Variants in ZNF175 observed in about 807,000 individuals in gnomAD.
ZNF175 encodes zinc finger protein 175, also known as zinc finger protein OTK18.
In ZNF175, 8 loss-of-function variants were observed where a neutral mutation model predicts 14.0. The ratio of observed to expected loss-of-function variants is 0.57; its 90% CI spans 0.34 to 1.03. The LOEUF (loss-of-function observed/expected upper bound fraction) is 1.03, where lower values mean the gene tolerates loss of function less well. Ranked by LOEUF, ZNF175 falls within the 50% of genes least tolerant of loss-of-function variation. The probability of loss-of-function intolerance (pLI) is 0.03; values close to 1 mark genes in which losing one functional copy is unlikely to be tolerated. For synonymous variants in ZNF175, 255 were observed against 296.8 expected (o/e 0.86, Z 1.45); for missense variants, 764 against 849.5 (o/e 0.90, Z 1.25).
At chr19:51,582,361 G>A (rs984582835) in intron 4 of ZNF175, among the ~76,000 whole-genome samples, 1 of 152,124 alleles carries the variant, frequency 6.6e-6, no homozygotes, top group Non-Finnish European at 1.5e-5. Context: ...GCAGTGGCAC[G>A]ATCTTGGCTT....
chr19:51,575,762 TGTTA>T (rs1009699220), intron 2 of ZNF175, among the ~76,000 whole-genome samples: 3 of 152,196 alleles, frequency 2.0e-5, no homozygotes, highest in African/African-American at 7.2e-5. Context: ...CCTCTTGGAT[TGTTA>T]ATTAACACGT....
chr19:51,585,257 C>T (rs1430429247), intron 4 of ZNF175, among the ~76,000 whole-genome samples: 1 of 152,140 alleles, frequency 6.6e-6, no homozygotes, highest in African/African-American at 2.4e-5. Context: ...GTATGAGGTA[C>T]TTTAAGTAGT....
intron 1 of ZNF175, among the ~76,000 whole-genome samples, chr19:51,572,247 G>A (rs1014112959): frequency 2.0e-5 from 3 of 152,200 alleles, no homozygotes; most frequent in African/African-American, 7.2e-5. Flanking sequence ...CAGTGACTGG[G>A]AGGCATTTTG....
In ZNF175 at chr19:51,590,491, G is replaced by A. The variant is rs35088603; in HGVS notation, c.*2024G>A. 0.073 allele frequency: 11,166 copies of A among 152,282 alleles called. 540 individuals are homozygous for A. Among genetic ancestry groups the A allele is most frequent in the Middle Eastern group, 0.17 (49 of 296 alleles). 9.4% of individuals were successfully genotyped at this position (152,282 alleles called of 1,614,324 possible). A position where few individuals can be genotyped will look rare whatever the true frequency, so the allele number is the denominator to read the frequency against. ...TCAGCTGGAAGTCTTTTCCAGAAGG[G>A]TGTTAGAGATGGGCACCCATGGCTT... On this transcript the variant is annotated 3_prime_UTR_variant, in exon 5 of 5. Transcript: ENST00000262259.
In ZNF175 at chr19:51,591,206, C is replaced by T. The variant is rs7255120; in HGVS notation, c.*2739C>T. On this transcript the variant is annotated 3_prime_UTR_variant, in exon 5 of 5. Transcript: ENST00000262259. ...ACAACTTAGTTTCCTCCCTACCTCG[C>T]AACCCCCTCTGTCTAGAGTGCTCAC... The T allele has an allele frequency of 0.34, 51,597 of 152,208 alleles. 10,079 individuals are homozygous for T. The highest frequency in any genetic ancestry group is 0.73 in the East Asian group (3,771 of 5,132). The allele number at this position is 152,208 out of a possible 1,614,324, so 9.4% of individuals were successfully genotyped here.
rs1481496950 is a variant in ZNF175 at position 51,591,487 on chromosome 19, CTCA to C, written c.*3025_*3027del. On this transcript the variant is annotated 3_prime_UTR_variant, in exon 5 of 5. Coordinates refer to ENST00000262259, the MANE Select transcript of ZNF175 (RefSeq NM_007147.4). ...GATGAATAAATGTTAGTCCAATGGC[CTCA>C]TCATGAGATGAGAGGTCAAGAGTTT... 6.6e-6 allele frequency: 1 copy of C among 152,192 alleles called. No homozygotes were observed. The highest frequency in any genetic ancestry group is 1.5e-5 in the Non-Finnish European group (1 of 68,048). The allele number at this position is 152,192 out of a possible 1,614,324, so 9.4% of individuals were successfully genotyped here.
chr19:51,586,573 T>A, intron 4 of ZNF175, 54 bp from the exon 5 acceptor site: 1 of 1,516,156 alleles, frequency 6.6e-7, no homozygotes, highest in Non-Finnish European at 8.8e-7. Flanking sequence ...CTTCATGCAG[T>A]TTCTCCTCTT....
chr19:51,592,358 G>A lies in ZNF175; in HGVS notation c.*3891G>A. 2 of 368,972 alleles carry A rather than the reference G, an allele frequency of 5.4e-6. No homozygotes were observed. The highest frequency in any genetic ancestry group is 5.0e-5 in the East Asian group (1 of 19,946). The allele number at this position is 368,972 out of a possible 1,614,324, so 22.9% of individuals were successfully genotyped here. A position where few individuals can be genotyped will look rare whatever the true frequency, so the allele number is the denominator to read the frequency against. On this transcript the variant is annotated 3_prime_UTR_variant, in exon 5 of 5. Coordinates refer to ENST00000262259, the MANE Select transcript of ZNF175 (RefSeq NM_007147.4). ...GGAATAATAATAGATCTCGCCTTGTGGCTCCTTTGCAGATTACATGCGTTA... is the reference window on the plus strand; with the variant it reads ...GGAATAATAATAGATCTCGCCTTGTAGCTCCTTTGCAGATTACATGCGTTA...
At chr19:51,580,815 T>A (rs1981971703) in intron 2 of ZNF175, among the ~76,000 whole-genome samples, 1 of 152,188 alleles carries the variant, frequency 6.6e-6, no homozygotes, top group Non-Finnish European at 1.5e-5. Context: ...GGAAAATGAT[T>A]TCCTTCACAC....
At chr19:51,578,868 A>T (rs1236307734) in intron 2 of ZNF175, among the ~76,000 whole-genome samples, 2 of 151,946 alleles carry the variant, frequency 1.3e-5, no homozygotes, top group Non-Finnish European at 2.9e-5. Context: ...TGTAATCCCA[A>T]AACTTTGGGA....
At chr19:51,572,071 G>A (rs1046990652) in intron 1 of ZNF175, among the ~76,000 whole-genome samples, 4 of 152,226 alleles carry the variant, frequency 2.6e-5, no homozygotes, top group Non-Finnish European at 5.9e-5. Flanking sequence ...GTAAGGATCA[G>A]TAATTGACAG....
chr19:51,583,915 G>C (rs540972246), intron 4 of ZNF175, among the ~76,000 whole-genome samples: 1 of 152,106 alleles, frequency 6.6e-6, no homozygotes, highest in African/African-American at 2.4e-5. Context: ...TCAATGTTTA[G>C]CATGAGGAAA....
intron 2 of ZNF175, among the ~76,000 whole-genome samples, chr19:51,574,968 T>C (rs1033029501): frequency 9.2e-5 from 14 of 152,302 alleles, no homozygotes; most frequent in African/African-American, 3.4e-4. Flanking sequence ...ATGCACATTA[T>C]CTTCTCTTTG....
Position 51,589,608 on chromosome 19 carries a change from T to A in ZNF175, c.*1141T>A. 1 of 701,798 alleles carries A rather than the reference T, an allele frequency of 1.4e-6. No homozygotes were observed. The highest frequency in any genetic ancestry group is 2.6e-6 in the Non-Finnish European group (1 of 384,698). The allele number at this position is 701,798 out of a possible 1,614,324, so 43.5% of individuals were successfully genotyped here. On this transcript the variant is annotated 3_prime_UTR_variant, in exon 5 of 5. Coordinates refer to ENST00000262259, the MANE Select transcript of ZNF175 (RefSeq NM_007147.4). ...CATCTATAGTGAGCCTCTCCATAAT[T>A]AGTGCCAACCATTAGTCTCGTTCAT... is the stretch of plus-strand genomic sequence containing the variant.
At chr19:51,576,214 G>T (rs1251774729) in intron 2 of ZNF175, among the ~76,000 whole-genome samples, 3 of 149,214 alleles carry the variant, frequency 2.0e-5, no homozygotes, top group African/African-American at 7.4e-5. Flanking sequence ...GCAATGGCGC[G>T]ATCTTGGCTC....
Position 51,589,707 on chromosome 19 carries a change from G to C in ZNF175, c.*1240G>C. 1.6e-6 allele frequency: 1 copy of C among 640,570 alleles called. No individual in the cohort carries two copies. The highest frequency in any genetic ancestry group is 1.8e-5 in the South Asian group (1 of 55,878). 39.7% of individuals were successfully genotyped at this position (640,570 alleles called of 1,614,324 possible). A position where few individuals can be genotyped will look rare whatever the true frequency, so the allele number is the denominator to read the frequency against. ...CTCCCAACTGTTTTTTTAAAATAAAGTTTTATTGGAACACAGCCATGTTCA... is the reference window on the plus strand; with the variant it reads ...CTCCCAACTGTTTTTTTAAAATAAACTTTTATTGGAACACAGCCATGTTCA... On this transcript the variant is annotated 3_prime_UTR_variant, in exon 5 of 5. Transcript: ENST00000262259.
At chr19:51,577,091 A>G (rs1551160) in intron 2 of ZNF175, among the ~76,000 whole-genome samples, 88,762 of 151,562 alleles carry the variant, frequency 0.59, 26,409 homozygotes, top group East Asian at 0.84. Context: ...ATATATGAGC[A>G]TGACATGAAA....
intron 2 of ZNF175, among the ~76,000 whole-genome samples, chr19:51,574,437 G>A (rs945009646): frequency 4.6e-5 from 7 of 152,186 alleles, no homozygotes; most frequent in Admixed American, 2.6e-4. Flanking sequence ...CACTTTGGGA[G>A]GCCGAGGCGG....
chr19:51,588,874 AAC>A lies in ZNF175; in HGVS notation c.*411_*412del, dbSNP rs1982264664. 1 of 402,558 alleles carries A rather than the reference AAC, an allele frequency of 2.5e-6. No individual in the cohort carries two copies. Among genetic ancestry groups the A allele is most frequent in the Non-Finnish European group, 4.4e-6 (1 of 228,800 alleles). The allele number at this position is 402,558 out of a possible 1,614,324, so 24.9% of individuals were successfully genotyped here. On this transcript the variant is annotated 3_prime_UTR_variant, in exon 5 of 5. Coordinates refer to ENST00000262259, the MANE Select transcript of ZNF175 (RefSeq NM_007147.4). ...GGGATATCAATATTTTTAAAGTGCC[AAC>A]ACAGTCATGATAGGACAATATTTTA...
Sources: gnomAD v4.1 joint callset for allele counts (sites outside exome capture counted in the v4.1 genomes callset) on GRCh38, gnomAD v4.1.1 for gene constraint, MANE v1.5 for transcripts, NCBI Gene and HGNC (gene_info 2026-07-23, HGNC 2026-07-21) for gene names.